The following GRIK4 variants were observed in gnomAD, a reference collection of about 807,000 sequenced individuals.
GRIK4 encodes the protein glutamate receptor ionotropic, kainate 4.
GRIK4 carries 40 observed loss-of-function variants against 104.9 expected under a neutral mutation model. The observed-to-expected ratio is 0.38, with a 90% confidence interval of 0.30 to 0.50. The LOEUF (loss-of-function observed/expected upper bound fraction) is 0.50, where lower values mean the gene tolerates loss of function less well. Ranked by LOEUF, GRIK4 falls within the 20% of genes least tolerant of loss-of-function variation. The pLI is 0.93. For synonymous variants in GRIK4, 485 were observed against 524.9 expected, an observed-to-expected ratio of 0.92 and a Z score of 1.04; for missense variants, 1,047 against 1,308.1, an observed-to-expected ratio of 0.80 and a Z score of 3.08.
intron 3 of GRIK4, among the ~76,000 whole-genome samples, chr11:120,793,449 G>A (rs545736727): frequency 7.2e-5 from 11 of 152,230 alleles, no homozygotes; most frequent in African/African-American, 2.7e-4. Flanking sequence ...GAGTCCCAGG[G>A]GAAAGGAAGG....
chr11:120,982,062 C>T lies in GRIK4; in HGVS notation c.2396-44C>T, dbSNP rs760431230. The T allele has an allele frequency of 8.2e-6, 10 of 1,225,110 alleles. No individual in the cohort carries two copies. The South Asian group carries it at 1.1e-4, about 13-fold the overall frequency. The allele number at this position is 1,225,110 out of a possible 1,614,324, so 75.9% of individuals were successfully genotyped here. On this transcript the variant is annotated intron_variant, in intron 19 of 20. Transcript: ENST00000527524. Reference sequence around the variant, plus strand: ...TTTTTGATAAAATGATTGTGTCTTCCTGATCTTTTACAATATTTTTCATTT... The same window carrying T: ...TTTTTGATAAAATGATTGTGTCTTCTTGATCTTTTACAATATTTTTCATTT...
chr11:120,730,300 G>C (rs755862780), intron 3 of GRIK4, among the ~76,000 whole-genome samples: 1 of 152,188 alleles, frequency 6.6e-6, no homozygotes, highest in Admixed American at 6.5e-5. Flanking sequence ...AGAGGTTACA[G>C]TGAGGTGCAA....
intron 8 of GRIK4, among the ~76,000 whole-genome samples, chr11:120,855,131 A>G (rs1013699920): frequency 6.6e-6 from 1 of 152,208 alleles, no homozygotes; most frequent in Admixed American, 6.5e-5. Context: ...AGGCTCAAAT[A>G]ATGATGACCG....
rs561150307 is a variant in GRIK4 at position 120,516,780 on chromosome 11, G to A, written c.-159+4893G>A. On this transcript the variant is annotated intron_variant, in intron 1 of 20. Coordinates refer to ENST00000527524, the MANE Select transcript of GRIK4 (RefSeq NM_014619.5). ...TAACTTTGAGATTTCCAGTGCTGGAGACCAGGGGGATGGGCGATGCGAGGG... is the reference window on the plus strand; with the variant it reads ...TAACTTTGAGATTTCCAGTGCTGGAAACCAGGGGGATGGGCGATGCGAGGG... Among the ~76,000 whole-genome samples, 3 of 152,290 alleles carry A rather than the reference G, an allele frequency of 2.0e-5. No individual in the cohort carries two copies. In the South Asian group the frequency reaches 6.2e-4, roughly 32 times the overall value.
intron 3 of GRIK4, among the ~76,000 whole-genome samples, chr11:120,716,084 G>A (rs957739880): frequency 1.3e-5 from 2 of 152,056 alleles, no homozygotes; most frequent in Non-Finnish European, 2.9e-5. Flanking sequence ...GGGAGGGTAC[G>A]GAGCCTCCAC....
intron 3 of GRIK4, among the ~76,000 whole-genome samples, chr11:120,675,345 T>G (rs1477372238): frequency 1.3e-5 from 2 of 152,174 alleles, no homozygotes; most frequent in Non-Finnish European, 2.9e-5. Context: ...GAGTTCACAT[T>G]CAAGTCTTCA....
intron 19 of GRIK4, among the ~76,000 whole-genome samples, chr11:120,968,148 A>G (rs1944416086): frequency 1.3e-5 from 2 of 152,230 alleles, no homozygotes; most frequent in South Asian, 4.2e-4. Flanking sequence ...GGCTGAATAG[A>G]AAGCAGTCAC....
At chr11:120,592,848 C>T (rs1948751302) in intron 1 of GRIK4, among the ~76,000 whole-genome samples, 1 of 152,168 alleles carries the variant, frequency 6.6e-6, no homozygotes, top group Admixed American at 6.5e-5. Flanking sequence ...ACCTTTGGAT[C>T]ATTCGCAGCA....
At chr11:120,859,766 CAG>C in intron 8 of GRIK4, among the ~76,000 whole-genome samples, 1 of 152,378 alleles carries the variant, frequency 6.6e-6, no homozygotes, top group Admixed American at 6.5e-5. Flanking sequence ...GAGATAATAT[CAG>C]TGTAGGAATC....
intron 3 of GRIK4, among the ~76,000 whole-genome samples, chr11:120,759,590 C>T (rs1239355197): frequency 2.0e-5 from 3 of 151,914 alleles, no homozygotes; most frequent in African/African-American, 7.3e-5. Context: ...CAATCTGGCT[C>T]ACTTAACCAC....
Position 120,905,572 on chromosome 11 carries a change from A to C in GRIK4, c.1476+79A>C. ...GAGCATGAGGTTGTGCTGCACGCTC[A>C]TGAACCCTCCATTTGTTCAGTCAAT... On this transcript the variant is annotated intron_variant, in intron 13 of 20. Transcript: ENST00000527524. The surrounding 1 kb of genome is among the most constrained non-coding windows in gnomAD (Gnocchi z 5.1). 2.1e-5 allele frequency: 19 copies of C among 918,256 alleles called. No homozygotes were observed. Among genetic ancestry groups the C allele is most frequent in the African/African-American group, 3.2e-5 (2 of 62,050 alleles). 56.9% of individuals were successfully genotyped at this position (918,256 alleles called of 1,614,324 possible). A position where few individuals can be genotyped will look rare whatever the true frequency, so the allele number is the denominator to read the frequency against.
At chr11:120,644,059 G>GAGAGGAGAGA (rs796173721) in intron 1 of GRIK4, among the ~76,000 whole-genome samples, 1 of 121,038 alleles carries the variant, frequency 8.3e-6, no homozygotes, top group African/African-American at 3.6e-5. Flanking sequence ...GAGAGAGAGA[G>GAGAGGAGAGA]GAGAGAGAGA....
intron 1 of GRIK4, among the ~76,000 whole-genome samples, chr11:120,627,778 G>C (rs1257468267): frequency 6.6e-6 from 1 of 152,148 alleles, no homozygotes; most frequent in Non-Finnish European, 1.5e-5. Flanking sequence ...TAAGCAGAGA[G>C]GGTCCCCAAA....
At chr11:120,540,240 G>A (rs772451533) in intron 1 of GRIK4, among the ~76,000 whole-genome samples, 18 of 152,166 alleles carry the variant, frequency 1.2e-4, no homozygotes, top group Non-Finnish European at 2.1e-4. Flanking sequence ...ACCACAGAGC[G>A]CAGGGTCTGA....
At chr11:120,843,209 T>C (rs1953762272) in intron 8 of GRIK4, among the ~76,000 whole-genome samples, 1 of 152,256 alleles carries the variant, frequency 6.6e-6, no homozygotes, top group Non-Finnish European at 1.5e-5. Context: ...CTAGCTGGAC[T>C]CCAGCGCCAC....
intron 11 of GRIK4, among the ~76,000 whole-genome samples, chr11:120,875,868 G>A (rs2135684913): frequency 6.6e-6 from 1 of 152,216 alleles, no homozygotes; most frequent in African/African-American, 2.4e-5. Context: ...GATCTGAAAG[G>A]GATCTGACTT....
chr11:120,954,605 T>G (rs987885664), intron 15 of GRIK4, among the ~76,000 whole-genome samples: 1 of 152,008 alleles, frequency 6.6e-6, no homozygotes, highest in African/African-American at 2.4e-5. Flanking sequence ...AGCAGATACA[T>G]ACAAGCCTGC....
At position 120,952,735 on chromosome 11, in the gene GRIK4, C is replaced by A; in HGVS notation, c.1591-120C>A. 1.3e-6 allele frequency: 1 copy of A among 754,070 alleles called. No individual in the cohort carries two copies. The highest frequency in any genetic ancestry group is 1.4e-5 in the South Asian group (1 of 70,936). 46.7% of individuals were successfully genotyped at this position (754,070 alleles called of 1,614,324 possible). On this transcript the variant is annotated intron_variant, in intron 14 of 20. Coordinates refer to ENST00000527524, the MANE Select transcript of GRIK4 (RefSeq NM_014619.5). This position sits in a 1 kb window ranked among gnomAD's most constrained non-coding sequence, Gnocchi z 5.2. ...TCATTTAAACCAATCACCCAGAACCCACAGAAATGGGAACTGGGGCCAGAC... is the reference window on the plus strand; with the variant it reads ...TCATTTAAACCAATCACCCAGAACCAACAGAAATGGGAACTGGGGCCAGAC...
chr11:120,842,498 C>G (rs1013178753), intron 8 of GRIK4, among the ~76,000 whole-genome samples: 1 of 152,238 alleles, frequency 6.6e-6, no homozygotes, highest in African/African-American at 2.4e-5. Flanking sequence ...ACAAAGCAAT[C>G]TCTGCCACAT....
Sources: gnomAD v4.1 joint callset for allele counts (sites outside exome capture counted in the v4.1 genomes callset) on GRCh38, gnomAD v4.1.1 for gene constraint, Gnocchi (gnomAD v3.1) non-coding constraint, MANE v1.5 for transcripts, NCBI Gene and HGNC (gene_info 2026-07-23, HGNC 2026-07-21) for gene names.